The following NKAIN3 variants were observed in gnomAD, a reference collection of about 807,000 sequenced individuals.
NKAIN3 encodes the protein sodium/potassium transporting ATPase interacting 3, also known as sodium/potassium-transporting ATPase subunit beta-1-interacting protein 3.
In NKAIN3, 25 loss-of-function variants were observed where a neutral mutation model predicts 30.2. That is an observed-to-expected ratio of 0.83 (90% CI 0.60 to 1.16). The LOEUF is 1.16. Ranked by LOEUF, NKAIN3 falls within the 50% of genes most tolerant of loss-of-function variation. The probability of loss-of-function intolerance (pLI) is 0.00; values close to 1 mark genes in which losing one functional copy is unlikely to be tolerated. For missense variants in NKAIN3, 225 were observed against 254.1 expected (o/e 0.89, Z 0.78); for synonymous variants, 91 against 89.6 (o/e 1.02, Z -0.09).
intron 1 of NKAIN3, among the ~76,000 whole-genome samples, chr8:62,428,160 A>G (rs570427574): frequency 1.3e-3 from 197 of 151,990 alleles, no homozygotes; most frequent in African/African-American, 4.6e-3. Flanking sequence ...ATGTTGCTGC[A>G]AATTATAGGA....
intron 4 of NKAIN3, among the ~76,000 whole-genome samples, chr8:62,865,680 A>C (rs1405217079): frequency 6.6e-6 from 1 of 152,158 alleles, no homozygotes. Flanking sequence ...GCTGAGTACT[A>C]TATTATTGAT....
intron 1 of NKAIN3, among the ~76,000 whole-genome samples, chr8:62,298,066 C>T (rs1453782368): frequency 6.6e-6 from 1 of 150,654 alleles, no homozygotes; most frequent in Admixed American, 6.7e-5. Flanking sequence ...AGTAAACTAT[C>T]ACAAGAACAA....
chr8:62,407,137 A>G (rs982388644), intron 1 of NKAIN3, among the ~76,000 whole-genome samples: 1 of 152,052 alleles, frequency 6.6e-6, no homozygotes, highest in South Asian at 2.1e-4. Context: ...TACTGGAGAA[A>G]AAAGAAAGTA....
intron 1 of NKAIN3, among the ~76,000 whole-genome samples, chr8:62,381,646 G>T (rs542735325): frequency 1.3e-5 from 2 of 152,060 alleles, no homozygotes; most frequent in Non-Finnish European, 2.9e-5. Flanking sequence ...TCATTGAATA[G>T]ACTCACTCCA....
intron 3 of NKAIN3, among the ~76,000 whole-genome samples, chr8:62,680,121 G>C (rs1464255561): frequency 6.6e-6 from 1 of 152,132 alleles, no homozygotes; most frequent in Non-Finnish European, 1.5e-5. Context: ...CCTAGAACCA[G>C]GGAATGCAAA....
rs962946839 is a variant in NKAIN3 at position 62,425,998 on chromosome 8, A to G, written c.55-153541A>G. 1.2e-4 allele frequency among the ~76,000 whole-genome samples: 19 copies of G among 152,092 alleles called. No individual in the cohort carries two copies. The East Asian group carries it at 3.5e-3, about 28-fold the overall frequency. ...AGAACATACATTTAACATCCTGTCT[A>G]CTTTAATGGATTTGATTGATTGAAT... On this transcript the variant is annotated intron_variant, in intron 1 of 6. Transcript: ENST00000623646.
chr8:62,777,555 C>T (rs916534718), intron 4 of NKAIN3, among the ~76,000 whole-genome samples: 25 of 152,118 alleles, frequency 1.6e-4, no homozygotes, highest in African/African-American at 5.3e-4. Context: ...TTAAGTATTT[C>T]AGTCTCTTTG....
At chr8:62,364,807 T>G (rs1248558686) in intron 1 of NKAIN3, among the ~76,000 whole-genome samples, 1 of 107,308 alleles carries the variant, frequency 9.3e-6, no homozygotes, top group African/African-American at 3.7e-5. Context: ...CCAGCCTGTG[T>G]GACAGAGCGA....
intron 1 of NKAIN3, among the ~76,000 whole-genome samples, chr8:62,325,058 C>T (rs1195967331): frequency 6.6e-6 from 1 of 152,014 alleles, no homozygotes; most frequent in African/African-American, 2.4e-5. Flanking sequence ...GTGGTGATTT[C>T]TGAGATTTTT....
rs1163671473 is a variant in NKAIN3, at chr8:62,412,913, AAAAAAAAAC to A, written c.54+163795_54+163803del. 7.2e-3 allele frequency among the ~76,000 whole-genome samples: 604 copies of A among 83,320 alleles called. 5 individuals carry two copies. Among genetic ancestry groups the A allele is most frequent in the African/African-American group, 0.027 (586 of 22,016 alleles). The allele number at this position is 83,320 out of a possible 152,430, so 54.7% of individuals were successfully genotyped here. ...GGTGACAGACTGAGACTCCGTCAAA[AAAAAAAAAC>A]AAAAAAAAAAAAACAGCAAAACATA... is the stretch of plus-strand genomic sequence containing the variant. On this transcript the variant is annotated intron_variant, in intron 1 of 6. Transcript: ENST00000623646.
intron 4 of NKAIN3, among the ~76,000 whole-genome samples, chr8:62,800,071 G>A (rs1818004746): frequency 6.6e-6 from 1 of 151,922 alleles, no homozygotes; most frequent in South Asian, 2.1e-4. Context: ...GGTGGGTGAG[G>A]GATAAAAGAC....
intron 6 of NKAIN3, among the ~76,000 whole-genome samples, chr8:62,956,342 G>A (rs191973063): frequency 6.6e-6 from 1 of 152,294 alleles, no homozygotes; most frequent in Admixed American, 6.5e-5. Flanking sequence ...TTGTGAGGAA[G>A]CCACTTTAAT....
intron 1 of NKAIN3, among the ~76,000 whole-genome samples, chr8:62,422,617 C>T (rs1485766748): frequency 6.6e-6 from 1 of 152,108 alleles, no homozygotes; most frequent in Non-Finnish European, 1.5e-5. Flanking sequence ...ACTAATCAAT[C>T]ATATGCTCTT....
intron 4 of NKAIN3, among the ~76,000 whole-genome samples, chr8:62,787,601 C>T (rs1409287719): frequency 6.6e-6 from 1 of 152,128 alleles, no homozygotes; most frequent in Non-Finnish European, 1.5e-5. Context: ...CATATGTATA[C>T]ATGTGCCATG....
chr8:62,346,357 A>G (rs1329450609), intron 1 of NKAIN3, among the ~76,000 whole-genome samples: 1 of 152,104 alleles, frequency 6.6e-6, no homozygotes, highest in African/African-American at 2.4e-5. Flanking sequence ...TATGATGCCA[A>G]TTATAAGTAA....
At chr8:62,642,060 C>T (rs1812325045) in intron 3 of NKAIN3, among the ~76,000 whole-genome samples, 1 of 151,872 alleles carries the variant, frequency 6.6e-6, no homozygotes, top group Non-Finnish European at 1.5e-5. Context: ...GCACTGCACT[C>T]CTGGGAAAAA....
intron 3 of NKAIN3, among the ~76,000 whole-genome samples, chr8:62,592,995 TA>T (rs1213929066): frequency 3.9e-5 from 6 of 151,972 alleles, no homozygotes; most frequent in Non-Finnish European, 7.4e-5. Context: ...TCCATTAACA[TA>T]GGGGGAGAGT....
At chr8:62,488,169 C>G (rs556379362) in intron 1 of NKAIN3, among the ~76,000 whole-genome samples, 1 of 152,304 alleles carries the variant, frequency 6.6e-6, no homozygotes, top group South Asian at 2.1e-4. Flanking sequence ...CCAATCAAGT[C>G]TTAACTCAAC....
intron 1 of NKAIN3, among the ~76,000 whole-genome samples, chr8:62,325,495 C>G (rs920447572): frequency 3.3e-5 from 5 of 152,022 alleles, no homozygotes; most frequent in Admixed American, 1.3e-4. Context: ...TAGGTAGATA[C>G]CTAGCAGTGA....
Sources: allele counts gnomAD v4.1 joint callset (sites outside exome capture counted in the v4.1 genomes callset), GRCh38; gene constraint gnomAD v4.1.1; transcripts MANE v1.5; gene names NCBI Gene and HGNC (gene_info 2026-07-23, HGNC 2026-07-21).